Variants in BICD1 observed in about 807,000 individuals in gnomAD.
The protein encoded by BICD1 is BICD cargo adaptor 1, also known as protein bicaudal D homolog 1.
A neutral mutation model predicts 92.5 loss-of-function variants in BICD1; 35 were observed. The ratio of observed to expected loss-of-function variants is 0.38; its 90% confidence interval spans 0.29 to 0.50. The LOEUF is 0.50. Ranked by LOEUF, BICD1 falls within the 20% of genes least tolerant of loss-of-function variation. BICD1 has a pLI of 0.93. For synonymous variants in BICD1, 429 were observed against 465.1 expected, an observed-to-expected ratio of 0.92 and a Z score of 1.00; for missense variants, 950 against 1,189.8, an observed-to-expected ratio of 0.80 and a Z score of 2.97.
chr12:32,192,450 A>ATGTGGCAGAGCGAGACTCTGT, intron 1 of BICD1, among the ~76,000 whole-genome samples: 3 of 147,006 alleles, frequency 2.0e-5, no homozygotes, highest in East Asian at 2.0e-4. Flanking sequence ...AAATAAATAA[A>ATGTGGCAGAGCGAGACTCTGT]TAAATAGATA....
chr12:32,117,168 C>T (rs569792174), intron 1 of BICD1, among the ~76,000 whole-genome samples: 3 of 152,242 alleles, frequency 2.0e-5, no homozygotes, highest in Admixed American at 1.3e-4. Context: ...AATTCCCTGT[C>T]ACCAAAAGGG....
At chr12:32,125,898 A>T (rs1942312561) in intron 1 of BICD1, among the ~76,000 whole-genome samples, 1 of 151,834 alleles carries the variant, frequency 6.6e-6, no homozygotes, top group Admixed American at 6.6e-5. Flanking sequence ...AAAATGCCAA[A>T]ATTAGGCAGA....
chr12:32,357,535 G>A (rs556238435), intron 8 of BICD1, among the ~76,000 whole-genome samples: 4 of 152,284 alleles, frequency 2.6e-5, no homozygotes, highest in African/African-American at 9.6e-5. Flanking sequence ...ATCAAAGGCT[G>A]TGTTAGTCTG....
At chr12:32,179,332 T>C (rs1252628312) in intron 1 of BICD1, among the ~76,000 whole-genome samples, 1 of 151,998 alleles carries the variant, frequency 6.6e-6, no homozygotes, top group East Asian at 1.9e-4. Flanking sequence ...AGAATATACT[T>C]ATATTTTAAA....
At chr12:32,244,698 G>A (rs1028955311) in intron 2 of BICD1, among the ~76,000 whole-genome samples, 3 of 148,860 alleles carry the variant, frequency 2.0e-5, no homozygotes, top group Non-Finnish European at 4.4e-5. Context: ...GCACGATCTC[G>A]GCTCACTGCA....
chr12:32,153,783 G>A (rs1151014), intron 1 of BICD1, among the ~76,000 whole-genome samples: 117,670 of 142,196 alleles, frequency 0.83, 47,828 homozygotes, highest in East Asian at 0.94. Context: ...ATATATATAT[G>A]TGTGTGTGTG....
chr12:32,337,479 C>G lies in BICD1; in HGVS notation c.2253-20C>G. 6.3e-7 allele frequency: 1 copy of G among 1,592,124 alleles called. No homozygotes were observed. The highest frequency in any genetic ancestry group is 1.3e-5 in the African/African-American group (1 of 74,602). ...TTTCACCAAGATTTTCCTCTGACCA[C>G]TTCTCTGTTTTGGTTCCAGATGTGA... On this transcript the variant is annotated intron_variant, in intron 6 of 9. Coordinates refer to ENST00000652176, the MANE Select transcript of BICD1 (RefSeq NM_001714.4). The surrounding 1 kb of genome is among the most constrained non-coding windows in gnomAD (Gnocchi z 4.7).
intron 1 of BICD1, chr12:32,107,847 T>C (rs530150478): frequency 2.3e-4 from 151 of 647,366 alleles, no homozygotes; most frequent in Non-Finnish European, 3.1e-4. Context: ...TGGGTTGGAA[T>C]GTATAAATCA....
intron 2 of BICD1, among the ~76,000 whole-genome samples, chr12:32,219,605 G>A (rs1027332299): frequency 2.0e-5 from 3 of 151,694 alleles, no homozygotes; most frequent in African/African-American, 7.3e-5. Context: ...AAAGAAACAT[G>A]AGATAAATAT....
rs555428344 is a variant in BICD1 at position 32,294,769 on chromosome 12, A to G, written c.579+623A>G. On this transcript the variant is annotated intron_variant, in intron 3 of 9. Coordinates refer to ENST00000652176, the MANE Select transcript of BICD1 (RefSeq NM_001714.4). ...AGAGGGGAATGGATTATGAAGTATA[A>G]ATCAAGAAGAGCAAAATTATAAGAA... is the stretch of plus-strand genomic sequence containing the variant. Among the ~76,000 whole-genome samples the G allele has an allele frequency of 3.3e-5, 5 of 152,032 alleles. No individual in the cohort carries two copies. In the East Asian group the frequency reaches 9.7e-4, roughly 29 times the overall value.
At chr12:32,173,385 G>A (rs1241354235) in intron 1 of BICD1, among the ~76,000 whole-genome samples, 1 of 152,070 alleles carries the variant, frequency 6.6e-6, no homozygotes, top group African/African-American at 2.4e-5. Flanking sequence ...TCCCTTGTCC[G>A]ACTCCTAGAA....
At chr12:32,110,124 C>G (rs1443667785) in intron 1 of BICD1, among the ~76,000 whole-genome samples, 1 of 152,172 alleles carries the variant, frequency 6.6e-6, no homozygotes, top group Non-Finnish European at 1.5e-5. Flanking sequence ...TGCAGTATAG[C>G]AACATGGCTC....
chr12:32,111,155 G>A (rs948543989), intron 1 of BICD1, among the ~76,000 whole-genome samples: 2 of 152,122 alleles, frequency 1.3e-5, no homozygotes, highest in Non-Finnish European at 2.9e-5. Context: ...CTTGGATACC[G>A]TAAACTATGC....
intron 1 of BICD1, among the ~76,000 whole-genome samples, chr12:32,198,201 G>A (rs1038875315): frequency 6.6e-6 from 1 of 150,694 alleles, no homozygotes; most frequent in African/African-American, 2.4e-5. Flanking sequence ...GCAAAACTTC[G>A]TCTGAAAAAA....
In BICD1 at chr12:32,107,401, C is replaced by A; in HGVS notation, c.70C>A (p.Leu24Ile). Residue 24 changes from leucine (L) to isoleucine (I), a missense_variant, in exon 1 of 10, where the codon CTC (leucine) becomes ATC (isoleucine). Physicochemically the swap from Leu to Ile is conservative, Grantham distance 5 (BLOSUM62 2). Coordinates refer to ENST00000652176, the MANE Select transcript of BICD1 (RefSeq NM_001714.4). Reference sequence around the variant, plus strand: ...TGAGATAGAGAGGCTAACCAAGGAGCTCACGGAGACCACCCACGAGAAGAT... The same window carrying A: ...TGAGATAGAGAGGCTAACCAAGGAGATCACGGAGACCACCCACGAGAAGAT... ...KTEIERLTKE[L>I]TETTHEKIQA... is the part of the protein sequence containing the mutation. 6.2e-7 allele frequency: 1 copy of A among 1,611,972 alleles called. No homozygotes were observed. Among genetic ancestry groups the A allele is most frequent in the Non-Finnish European group, 8.5e-7 (1 of 1,179,270 alleles).
At chr12:32,348,772 A>ATG (rs1938745677) in intron 8 of BICD1, among the ~76,000 whole-genome samples, 2 of 52,756 alleles carry the variant, frequency 3.8e-5, no homozygotes, top group African/African-American at 1.8e-4. Context: ...ATATATATAT[A>ATG]TATATATCAG....
At chr12:32,310,514 A>G (rs1354564343) in intron 4 of BICD1, among the ~76,000 whole-genome samples, 5 of 152,164 alleles carry the variant, frequency 3.3e-5, no homozygotes, top group Admixed American at 6.5e-5. Flanking sequence ...GGAGGTCTGC[A>G]TGACCTAAGG....
intron 8 of BICD1, among the ~76,000 whole-genome samples, chr12:32,345,416 G>T (rs1938529804): frequency 6.6e-6 from 1 of 152,104 alleles, no homozygotes; most frequent in Admixed American, 6.5e-5. Context: ...GTATACAGTA[G>T]ATGGTAGATT....
chr12:32,116,526 A>ATATATATC (rs1941920933), intron 1 of BICD1, among the ~76,000 whole-genome samples: 1 of 145,572 alleles, frequency 6.9e-6, no homozygotes, highest in Non-Finnish European at 1.5e-5. Context: ...ATATATATAT[A>ATATATATC]TATGTAATTT....
Sources: gnomAD v4.1 joint callset for allele counts (sites outside exome capture counted in the v4.1 genomes callset) on GRCh38, gnomAD v4.1.1 for gene constraint, Gnocchi (gnomAD v3.1) non-coding constraint, MANE v1.5 for transcripts, NCBI Gene and HGNC (gene_info 2026-07-23, HGNC 2026-07-21) for gene names.